EIF4ENIF1: variants seen among roughly 807,000 people sequenced by gnomAD.
EIF4ENIF1 encodes the protein eukaryotic translation initiation factor 4E transporter.
In EIF4ENIF1, 23 loss-of-function variants were observed where a neutral mutation model predicts 110.5. That is an observed-to-expected ratio of 0.21 (90% CI 0.15 to 0.29). The LOEUF (loss-of-function observed/expected upper bound fraction) is 0.29, where lower values mean the gene tolerates loss of function less well. EIF4ENIF1 is among the 10% of genes least tolerant of loss of function. EIF4ENIF1 has a pLI of 1.00. For synonymous variants in EIF4ENIF1, 440 were observed against 437.0 expected (o/e 1.01, Z -0.09); for missense variants, 1,031 against 1,221.1 (o/e 0.84, Z 2.32).
intron 2 of EIF4ENIF1, among the ~76,000 whole-genome samples, chr22:31,477,749 G>A (rs748113545): frequency 6.6e-6 from 1 of 151,778 alleles, no homozygotes; most frequent in East Asian, 1.9e-4. Context: ...CCTGTCCATA[G>A]AGGATAAAGA....
intron 2 of EIF4ENIF1, among the ~76,000 whole-genome samples, chr22:31,482,183 T>A (rs970431800): frequency 6.9e-6 from 1 of 144,170 alleles, no homozygotes; most frequent in African/African-American, 2.5e-5. Context: ...AAAAAAAAAA[T>A]TCCACATGAA....
rs762332670 is a variant in EIF4ENIF1 at position 31,444,649 on chromosome 22, C to T, written c.2030G>A (p.Gly677Glu). The change falls in exon 15 of 19, where the codon GGG becomes GAG. Residue 677 changes from glycine (G) to glutamate (E), a missense_variant. This residue lies in a region of EIF4ENIF1 where 704 missense variants were observed against 879.7 expected (regional missense o/e 0.80). Transcript: ENST00000330125. ...VTKSPAPVHR[G>E]NSSSPAPAAS... Reference sequence around the variant, plus strand: ...AGCAGGGGCAGGGGAAGAGGAATTCCCTCGATGCACGGGTGCTGGTGACTT... The same window carrying T: ...AGCAGGGGCAGGGGAAGAGGAATTCTCTCGATGCACGGGTGCTGGTGACTT... 36 of 1,613,978 alleles carry T rather than the reference C, an allele frequency of 2.2e-5. No homozygotes were observed. In the Admixed American group the frequency reaches 6.0e-4, roughly 27 times the overall value.
chr22:31,488,261 G>C (rs1447015999), intron 2 of EIF4ENIF1, among the ~76,000 whole-genome samples: 1 of 152,028 alleles, frequency 6.6e-6, no homozygotes, highest in Non-Finnish European at 1.5e-5. Flanking sequence ...TCAATACAGA[G>C]GACACTAACT....
At position 31,440,047 on chromosome 22, in the gene EIF4ENIF1, G is replaced by A. The variant is rs768711840; in HGVS notation, c.2791C>T (p.Arg931Trp). Residue 931 changes from arginine to tryptophan, a missense_variant, in exon 19 of 19, where the codon CGG (arginine) becomes TGG (tryptophan). Coordinates refer to ENST00000330125, the MANE Select transcript of EIF4ENIF1 (RefSeq NM_019843.4). ...VQTTPQNVPS[R>W]SGLPHMHSQL... ...GAGTGCATGTGGGGCAGGCCTGACC[G>A]GCTGGGCACGTTCTGAGGGGTTGTC... The A allele has an allele frequency of 2.7e-5, 44 of 1,613,938 alleles. No individual in the cohort carries two copies. The highest frequency in any genetic ancestry group is 3.3e-5 in the Admixed American group (2 of 59,990).
intron 3 of EIF4ENIF1, among the ~76,000 whole-genome samples, chr22:31,469,832 A>G (rs2051303905): frequency 6.6e-6 from 1 of 152,140 alleles, no homozygotes; most frequent in South Asian, 2.1e-4. Context: ...AGTTATGACT[A>G]CAGGCAGGTG....
At chr22:31,445,618 G>C (rs909047157) in intron 14 of EIF4ENIF1, among the ~76,000 whole-genome samples, 1 of 152,178 alleles carries the variant, frequency 6.6e-6, no homozygotes, top group African/African-American at 2.4e-5. Context: ...CACTGTTCCA[G>C]GTTCTTGGAA....
chr22:31,463,914 T>C lies in EIF4ENIF1; in HGVS notation c.352A>G (p.Arg118Gly). ...DDLDVVLSPQ[R>G]RSFGGGCHVT... ...TGGCAGCCCCCTCCAAAGCTCCGTC[T>C]CTGAGGGCTGAGAACAACATCTAAG... The change falls in exon 5 of 19, where the codon AGA becomes GGA. Residue 118 changes from arginine (R) to glycine (G), a missense_variant. Transcript: ENST00000330125. The C allele has an allele frequency of 2.5e-6, 4 of 1,614,150 alleles. No homozygotes were observed. Among genetic ancestry groups the C allele is most frequent in the Non-Finnish European group, 3.4e-6 (4 of 1,180,038 alleles).
intron 7 of EIF4ENIF1, among the ~76,000 whole-genome samples, chr22:31,457,308 G>A (rs536139324): frequency 6.6e-6 from 1 of 152,144 alleles, no homozygotes; most frequent in Non-Finnish European, 1.5e-5. Context: ...TTATGAAATA[G>A]TGCCAATCTT....
chr22:31,468,062 G>A (rs1471958931), intron 4 of EIF4ENIF1, 113 bp downstream of exon 4: 2 of 1,454,050 alleles, frequency 1.4e-6, no homozygotes, highest in Middle Eastern at 1.9e-4. Context: ...TCAGTTTCCT[G>A]ATAATGACAT....
chr22:31,459,696 G>A (rs1468357281), intron 6 of EIF4ENIF1, among the ~76,000 whole-genome samples: 2 of 152,152 alleles, frequency 1.3e-5, no homozygotes, highest in African/African-American at 4.8e-5. Flanking sequence ...AGGATGGGGA[G>A]ACAAAGTGAA....
intron 10 of EIF4ENIF1, chr22:31,453,235 C>T (rs1245690309): frequency 4.0e-6 from 1 of 252,644 alleles, no homozygotes; most frequent in African/African-American, 2.3e-5. Context: ...ATATTATAAA[C>T]ATTTGCATTT....
Position 31,466,368 on chromosome 22 carries a change from G to A in EIF4ENIF1, c.298+1807C>T, listed in dbSNP as rs542385923. On this transcript the variant is annotated intron_variant, in intron 4 of 18. Transcript: ENST00000330125. ...GCAGAGGTTGCAGTGAGCCGAGATC[G>A]CGCCACTGCACTCCAGCCTGGGTGA... Among the ~76,000 whole-genome samples, 496 of 151,444 alleles carry A rather than the reference G, an allele frequency of 3.3e-3. 2 individuals carry two copies. Among genetic ancestry groups the A allele is most frequent in the African/African-American group, 0.011 (470 of 41,280 alleles).
intron 3 of EIF4ENIF1, among the ~76,000 whole-genome samples, chr22:31,468,909 A>T: frequency 6.6e-6 from 1 of 152,206 alleles, no homozygotes; most frequent in East Asian, 1.9e-4. Context: ...CCTGTACTAT[A>T]CAAAGAAGAT....
At chr22:31,476,282 T>G (rs1328045759) in intron 2 of EIF4ENIF1, among the ~76,000 whole-genome samples, 1 of 152,200 alleles carries the variant, frequency 6.6e-6, no homozygotes, top group Non-Finnish European at 1.5e-5. Flanking sequence ...AAGTGGTGTT[T>G]TGTTTGAAAC....
At chr22:31,469,683 C>A (rs1320174921) in intron 3 of EIF4ENIF1, among the ~76,000 whole-genome samples, 1 of 152,076 alleles carries the variant, frequency 6.6e-6, no homozygotes, top group Non-Finnish European at 1.5e-5. Context: ...TGTTTGTCTG[C>A]CCAGGATAAC....
chr22:31,456,459 G>A (rs537587531), intron 7 of EIF4ENIF1, among the ~76,000 whole-genome samples: 28 of 152,002 alleles, frequency 1.8e-4, no homozygotes, highest in Non-Finnish European at 2.8e-4. Context: ...TCCTGACCTT[G>A]TGATCCGCCC....
chr22:31,455,374 C>T (rs1172903717), intron 8 of EIF4ENIF1, 59 bp from the exon 9 acceptor site: 13 of 1,201,336 alleles, frequency 1.1e-5, no homozygotes, highest in South Asian at 4.6e-5. Flanking sequence ...AACATGCCTT[C>T]GACAGTATTT....
intron 2 of EIF4ENIF1, among the ~76,000 whole-genome samples, chr22:31,484,590 T>C (rs1362889896): frequency 4.0e-5 from 6 of 151,524 alleles, no homozygotes; most frequent in South Asian, 2.1e-4. Flanking sequence ...TCCCAGCAGT[T>C]TGGGAAGCCA....
Position 31,464,726 on chromosome 22 carries a change from A to ATATATATT in EIF4ENIF1, c.299-760_299-759insAATATATA, listed in dbSNP as rs796108181. Among the ~76,000 whole-genome samples, 465 of 57,180 alleles carry ATATATATT rather than the reference A, an allele frequency of 8.1e-3. 62 individuals carry two copies. Among genetic ancestry groups the ATATATATT allele is most frequent in the African/African-American group, 0.016 (212 of 13,386 alleles). 37.5% of individuals were successfully genotyped at this position (57,180 alleles called of 152,430 possible). ...TATATATATATATATATATATATAT[A>ATATATATT]AACAGATATATACAAAAATTAATTC... On this transcript the variant is annotated intron_variant, in intron 4 of 18. Coordinates refer to ENST00000330125, the MANE Select transcript of EIF4ENIF1 (RefSeq NM_019843.4).
Sources: gnomAD v4.1 joint callset for allele counts (sites outside exome capture counted in the v4.1 genomes callset) on GRCh38, gnomAD v4.1.1 for gene constraint, gnomAD v4.1.1 regional missense constraint, MANE v1.5 for transcripts, NCBI Gene and HGNC (gene_info 2026-07-23, HGNC 2026-07-21) for gene names.